VPS26A: variants seen among roughly 807,000 people sequenced by gnomAD.
VPS26A encodes VPS26 retromer complex component A.
A neutral mutation model predicts 42.4 loss-of-function variants in VPS26A; 22 were observed. That is an observed-to-expected ratio of 0.52 (90% CI 0.37 to 0.74). The LOEUF (loss-of-function observed/expected upper bound fraction) is 0.74. Ranked by LOEUF, VPS26A falls within the 30% of genes least tolerant of loss-of-function variation. VPS26A has a pLI of 0.00. For missense variants in VPS26A, 276 were observed against 379.2 expected, an observed-to-expected ratio of 0.73 and a Z score of 2.26; for synonymous variants, 110 against 123.5, an observed-to-expected ratio of 0.89 and a Z score of 0.73.
chr10:69,158,590 G>T (rs1589361261), intron 5 of VPS26A, among the ~76,000 whole-genome samples: 1 of 151,854 alleles, frequency 6.6e-6, no homozygotes. Context: ...TCATTTCTTG[G>T]GGGGAGGGGG....
chr10:69,161,775 C>T, intron 5 of VPS26A: 2 of 333,952 alleles, frequency 6.0e-6, no homozygotes, highest in South Asian at 3.0e-5. Context: ...GAGCTTGGTG[C>T]CTGTCTAAGG....
chr10:69,154,249 A>G (rs974604205), intron 2 of VPS26A, among the ~76,000 whole-genome samples: 1 of 152,238 alleles, frequency 6.6e-6, no homozygotes, highest in African/African-American at 2.4e-5. Flanking sequence ...AATTCTTTGT[A>G]GATCTGGCTG....
chr10:69,163,737 A>G (rs1402388829), intron 6 of VPS26A, among the ~76,000 whole-genome samples: 3 of 150,024 alleles, frequency 2.0e-5, no homozygotes, highest in African/African-American at 4.9e-5. Flanking sequence ...TAATTAATAT[A>G]TTCCATTATA....
chr10:69,155,182 A>T (rs1841406638), intron 2 of VPS26A, among the ~76,000 whole-genome samples: 1 of 152,152 alleles, frequency 6.6e-6, no homozygotes, highest in African/African-American at 2.4e-5. Context: ...TCATACTTGA[A>T]TTTAAATCTT....
intron 6 of VPS26A, among the ~76,000 whole-genome samples, chr10:69,165,153 C>T (rs951550698): frequency 1.3e-5 from 2 of 152,028 alleles, no homozygotes; most frequent in Non-Finnish European, 2.9e-5. Context: ...GTCTCGAACT[C>T]CTGAGCTCAG....
At chr10:69,139,601 C>G (rs1840995703) in intron 2 of VPS26A, among the ~76,000 whole-genome samples, 1 of 152,146 alleles carries the variant, frequency 6.6e-6, no homozygotes, top group Non-Finnish European at 1.5e-5. Flanking sequence ...CGTGCCCGGC[C>G]TTCTTGAGTG....
At position 69,171,528 on chromosome 10, in the gene VPS26A, T is replaced by C. The variant is rs1260529933; in HGVS notation, c.*259T>C. On this transcript the variant is annotated 3_prime_UTR_variant, in exon 9 of 9. Transcript: ENST00000263559. The stretch of plus-strand genomic sequence containing the variant: ...CCTTTTTTTTTTTAACTTCCTACTT[T>C]GATGATAAGCACTCAGATATATATC... The C allele has an allele frequency of 9.6e-6, 3 of 312,498 alleles. No individual in the cohort carries two copies. Among genetic ancestry groups the C allele is most frequent in the Non-Finnish European group, 1.7e-5 (3 of 171,552 alleles). The allele number at this position is 312,498 out of a possible 1,614,324, so 19.4% of individuals were successfully genotyped here. A position where few individuals can be genotyped will look rare whatever the true frequency, so the allele number is the denominator to read the frequency against.
chr10:69,127,153 C>T (rs1429562236), intron 1 of VPS26A, among the ~76,000 whole-genome samples: 8 of 131,388 alleles, frequency 6.1e-5, no homozygotes, highest in Non-Finnish European at 1.2e-4. Flanking sequence ...GCCATGTTGG[C>T]CAGACTGGTC....
chr10:69,163,936 T>A (rs887180020), intron 6 of VPS26A, among the ~76,000 whole-genome samples: 1 of 151,318 alleles, frequency 6.6e-6, no homozygotes, highest in African/African-American at 2.4e-5. Context: ...CGGCTAATTT[T>A]TTTTGTATTT....
At chr10:69,152,204 G>A (rs1025797851) in intron 2 of VPS26A, among the ~76,000 whole-genome samples, 1 of 152,004 alleles carries the variant, frequency 6.6e-6, no homozygotes, top group African/African-American at 2.4e-5. Context: ...GCAAGACCCT[G>A]TCTACAAAAA....
chr10:69,133,870 A>G (rs772950785), intron 2 of VPS26A, among the ~76,000 whole-genome samples: 5 of 152,104 alleles, frequency 3.3e-5, no homozygotes, highest in African/African-American at 9.6e-5. Context: ...ATTTTTTTGT[A>G]GAGATGGGGT....
At chr10:69,156,246 C>A (rs988077358) in intron 3 of VPS26A, among the ~76,000 whole-genome samples, 1 of 151,640 alleles carries the variant, frequency 6.6e-6, no homozygotes, top group East Asian at 1.9e-4. Flanking sequence ...CATTTGTCTT[C>A]CTGATCTAGT....
intron 2 of VPS26A, chr10:69,133,432 G>A (rs1055027992): frequency 2.4e-5 from 14 of 586,576 alleles, no homozygotes; most frequent in Non-Finnish European, 4.9e-6. Flanking sequence ...GTTAGAGATT[G>A]AGAGTAATTC....
intron 2 of VPS26A, among the ~76,000 whole-genome samples, chr10:69,153,875 A>G (rs985127335): frequency 6.6e-6 from 1 of 152,168 alleles, no homozygotes; most frequent in Non-Finnish European, 1.5e-5. Context: ...CTCAGACTAC[A>G]TACATCTTTC....
At chr10:69,141,945 G>A (rs1439903528) in intron 2 of VPS26A, among the ~76,000 whole-genome samples, 18 of 151,906 alleles carry the variant, frequency 1.2e-4, no homozygotes, top group African/African-American at 3.4e-4. Flanking sequence ...GTGCCGTGGC[G>A]CGATCTTGGC....
In VPS26A at chr10:69,174,071, A is replaced by C. The variant is rs1299632217; in HGVS notation, c.*2802A>C. ...AGAGAATAAAAGCTGGCCACCCCCC[A>C]GCCAGCAGCGGCAACCGGCTCGGGT... is the stretch of plus-strand genomic sequence containing the variant. On this transcript the variant is annotated 3_prime_UTR_variant, in exon 9 of 9. Coordinates refer to ENST00000263559, the MANE Select transcript of VPS26A (RefSeq NM_004896.5). Among the ~76,000 whole-genome samples, 4 of 152,252 alleles carry C rather than the reference A, an allele frequency of 2.6e-5. No homozygotes were observed. Among genetic ancestry groups the C allele is most frequent in the Admixed American group, 2.6e-4 (4 of 15,292 alleles).
chr10:69,171,073 T>C lies in VPS26A; in HGVS notation c.871-83T>C, dbSNP rs901590007. The C allele has an allele frequency of 1.1e-5, 12 of 1,087,776 alleles. No individual in the cohort carries two copies. In the Admixed American group the frequency reaches 1.2e-4, roughly 11 times the overall value. 67.4% of individuals were successfully genotyped at this position (1,087,776 alleles called of 1,614,324 possible). A position where few individuals can be genotyped will look rare whatever the true frequency, so the allele number is the denominator to read the frequency against. ...TGTAGGGAAGAATTTAATTTTATTA[T>C]GGTTAAAATTGAAGTGGCAATCAAT... On this transcript the variant is annotated intron_variant, in intron 8 of 8. Transcript: ENST00000263559.
rs1192297497 is a variant in VPS26A, at chr10:69,151,264, C to CAAAAAAAAAA, written c.154-4538_154-4529dup. On this transcript the variant is annotated intron_variant, in intron 2 of 8. Transcript: ENST00000263559. ...TGGGCAACAGAGTGAGACTCCATGT[C>CAAAAAAAAAA]AAAAAAAAAAAAAAAAAAACACACA... 4.9e-4 allele frequency among the ~76,000 whole-genome samples: 15 copies of CAAAAAAAAAA among 30,396 alleles called. 1 individual carries two copies. Among genetic ancestry groups the CAAAAAAAAAA allele is most frequent in the African/African-American group, 1.3e-3 (11 of 8,448 alleles). 19.9% of individuals were successfully genotyped at this position (30,396 alleles called of 152,430 possible).
At chr10:69,164,181 A>G (rs754106636) in intron 6 of VPS26A, among the ~76,000 whole-genome samples, 10 of 150,830 alleles carry the variant, frequency 6.6e-5, no homozygotes, top group Non-Finnish European at 1.5e-4. Flanking sequence ...TTTCTTACTT[A>G]TGTGTAGAAA....
Sources: allele counts gnomAD v4.1 joint callset (sites outside exome capture counted in the v4.1 genomes callset), GRCh38; gene constraint gnomAD v4.1.1; transcripts MANE v1.5; gene names NCBI Gene and HGNC (gene_info 2026-07-23, HGNC 2026-07-21).